Variants in OSBP2 observed in about 807,000 individuals in gnomAD.
OSBP2 encodes oxysterol binding protein 2, also known as oxysterol-binding protein 2.
OSBP2 carries 66 observed loss-of-function variants against 96.0 expected under a neutral mutation model. The ratio of observed to expected loss-of-function variants is 0.69; its 90% CI spans 0.56 to 0.84. The LOEUF (loss-of-function observed/expected upper bound fraction) is 0.84. Ranked by LOEUF, OSBP2 falls within the 40% of genes least tolerant of loss-of-function variation. The pLI, the probability that OSBP2 is intolerant of heterozygous loss-of-function variation, is 0.00. For synonymous variants in OSBP2, 525 were observed against 520.9 expected (o/e 1.01, Z -0.11); for missense variants, 1,038 against 1,222.7 (o/e 0.85, Z 2.25).
intron 1 of OSBP2, among the ~76,000 whole-genome samples, chr22:30,735,511 C>T (rs1278505797): frequency 2.0e-5 from 3 of 149,530 alleles, no homozygotes; most frequent in African/African-American, 5.0e-5. Context: ...AGGGTTTCAC[C>T]ATGTTGCCGA....
intron 2 of OSBP2, among the ~76,000 whole-genome samples, chr22:30,809,701 C>T (rs1170196038): frequency 6.6e-6 from 1 of 152,126 alleles, no homozygotes; most frequent in Non-Finnish European, 1.5e-5. Context: ...TGACAGGGAG[C>T]AGATGGTAAT....
intron 2 of OSBP2, chr22:30,803,301 G>A (rs545085957): frequency 1.3e-5 from 2 of 153,190 alleles, no homozygotes; most frequent in African/African-American, 4.8e-5. Context: ...GCAGCTTTCA[G>A]GGCTGAGGGC....
At chr22:30,739,093 C>G (rs1180542032) in intron 1 of OSBP2, among the ~76,000 whole-genome samples, 1 of 152,178 alleles carries the variant, frequency 6.6e-6, no homozygotes, top group Non-Finnish European at 1.5e-5. Flanking sequence ...GAATTTCCTT[C>G]AAGTGTCTGA....
At chr22:30,769,163 C>G (rs1423397222) in intron 2 of OSBP2, among the ~76,000 whole-genome samples, 1 of 152,192 alleles carries the variant, frequency 6.6e-6, no homozygotes, top group Non-Finnish European at 1.5e-5. Context: ...AGTACCATGC[C>G]TGGTGGTATG....
chr22:30,903,440 TG>T, intron 12 of OSBP2, among the ~76,000 whole-genome samples: 1 of 152,250 alleles, frequency 6.6e-6, no homozygotes, highest in Non-Finnish European at 1.5e-5. Context: ...CAAAGTGGAC[TG>T]TCCAAAGGGA....
chr22:30,705,377 T>G (rs2089236147), intron 1 of OSBP2, among the ~76,000 whole-genome samples: 1 of 152,106 alleles, frequency 6.6e-6, no homozygotes, highest in Non-Finnish European at 1.5e-5. Context: ...CACCGCAACC[T>G]CCGCCTCCCG....
intron 3 of OSBP2, among the ~76,000 whole-genome samples, chr22:30,875,219 C>T (rs1271098814): frequency 1.3e-5 from 2 of 152,074 alleles, no homozygotes; most frequent in African/African-American, 2.4e-5. Flanking sequence ...GCACCCCGCA[C>T]CCCCCTGCAC....
In OSBP2 at chr22:30,902,222, C is replaced by A. The variant is rs578048569; in HGVS notation, c.2376-3615C>A. On this transcript the variant is annotated intron_variant, in intron 12 of 13. Coordinates refer to ENST00000332585, the MANE Select transcript of OSBP2 (RefSeq NM_030758.4). ...AGAAGGAGTCGCTCACAGAGCCCCA[C>A]ACACAGCATATGTAGGGAATCTACC... 13,402 of 1,460,224 alleles carry A rather than the reference C, an allele frequency of 9.2e-3. 133 individuals are homozygous for A. Among genetic ancestry groups the A allele is most frequent in the South Asian group, 0.031 (2,717 of 86,448 alleles). 90.5% of individuals were successfully genotyped at this position (1,460,224 alleles called of 1,614,324 possible). A position where few individuals can be genotyped will look rare whatever the true frequency, so the allele number is the denominator to read the frequency against.
intron 1 of OSBP2, among the ~76,000 whole-genome samples, chr22:30,717,102 G>GTT (rs1185621454): frequency 2.5e-5 from 3 of 118,844 alleles, no homozygotes; most frequent in Non-Finnish European, 3.5e-5. Context: ...GTGTGTGTGT[G>GTT]TGTGTGTGTG....
At chr22:30,827,326 A>C (rs980878129) in intron 2 of OSBP2, among the ~76,000 whole-genome samples, 3 of 152,108 alleles carry the variant, frequency 2.0e-5, no homozygotes, top group Admixed American at 1.3e-4. Flanking sequence ...TCCCACACCG[A>C]GTTGTCACTG....
At chr22:30,704,813 T>A (rs2089225018) in intron 1 of OSBP2, among the ~76,000 whole-genome samples, 1 of 152,010 alleles carries the variant, frequency 6.6e-6, no homozygotes, top group South Asian at 2.1e-4. Flanking sequence ...GCCACCCTTA[T>A]CAGTTAGGGA....
At chr22:30,716,044 C>CTTT (rs35254892) in intron 1 of OSBP2, among the ~76,000 whole-genome samples, 1 of 137,528 alleles carries the variant, frequency 7.3e-6, no homozygotes, top group Non-Finnish European at 1.6e-5. Context: ...TTCTTTCTTT[C>CTTT]TTTTTTTTTT....
Position 30,728,603 on chromosome 22 carries a change from C to T in OSBP2, c.645-12558C>T, listed in dbSNP as rs537997549. ...CCTCAAACTCCTGGGCTCAAAGGAT[C>T]CTTCTGCCTTAGACTCCCAAGTAGC... is the stretch of plus-strand genomic sequence containing the variant. On this transcript the variant is annotated intron_variant, in intron 1 of 13. Coordinates refer to ENST00000332585, the MANE Select transcript of OSBP2 (RefSeq NM_030758.4). Among the ~76,000 whole-genome samples the T allele has an allele frequency of 2.2e-4, 33 of 152,108 alleles. No individual in the cohort carries two copies. The South Asian group carries it at 5.2e-3, about 24-fold the overall frequency.
At chr22:30,828,338 A>G (rs1486022792) in intron 2 of OSBP2, among the ~76,000 whole-genome samples, 1 of 152,218 alleles carries the variant, frequency 6.6e-6, no homozygotes, top group Non-Finnish European at 1.5e-5. Context: ...GTCCACAGCC[A>G]GGTGACAGGC....
At chr22:30,769,525 T>C in intron 2 of OSBP2, among the ~76,000 whole-genome samples, 1 of 152,110 alleles carries the variant, frequency 6.6e-6, no homozygotes, top group Non-Finnish European at 1.5e-5. Context: ...GGCACGCACC[T>C]GTAGTCCCAG....
chr22:30,775,478 G>A (rs1192742020), intron 2 of OSBP2, among the ~76,000 whole-genome samples: 6 of 151,588 alleles, frequency 4.0e-5, no homozygotes, highest in African/African-American at 1.2e-4. Context: ...TGAGCTGGGC[G>A]TGGTGGTGGG....
intron 2 of OSBP2, among the ~76,000 whole-genome samples, chr22:30,798,823 G>T (rs2090803559): frequency 6.6e-6 from 1 of 151,840 alleles, no homozygotes; most frequent in East Asian, 1.9e-4. Flanking sequence ...GACCAGCCTG[G>T]CCAACATGGT....
intron 1 of OSBP2, among the ~76,000 whole-genome samples, chr22:30,703,769 C>G (rs564053136): frequency 2.0e-5 from 3 of 152,298 alleles, no homozygotes; most frequent in Non-Finnish European, 2.9e-5. Flanking sequence ...AGCCATCGTG[C>G]CTGGCCTGGC....
intron 2 of OSBP2, among the ~76,000 whole-genome samples, chr22:30,786,402 G>A (rs2090590914): frequency 6.6e-6 from 1 of 152,044 alleles, no homozygotes. Flanking sequence ...AGCACTAGGA[G>A]GTGAGGAGTC....
Sources: allele counts gnomAD v4.1 joint callset (sites outside exome capture counted in the v4.1 genomes callset), GRCh38; gene constraint gnomAD v4.1.1; transcripts MANE v1.5; gene names NCBI Gene and HGNC (gene_info 2026-07-23, HGNC 2026-07-21).